Variants in GMDS observed in about 807,000 individuals in gnomAD.
The protein encoded by GMDS is GDP-mannose 4,6-dehydratase, also known as GDP-mannose 4,6 dehydratase.
In GMDS, 20 loss-of-function variants were observed where a neutral mutation model predicts 49.9. That is an observed-to-expected ratio of 0.40 (90% CI 0.28 to 0.58). The LOEUF is 0.58. Ranked by LOEUF, GMDS falls within the 20% of genes least tolerant of loss-of-function variation. The probability of loss-of-function intolerance (pLI) is 0.42; values close to 1 mark genes in which losing one functional copy is unlikely to be tolerated. For missense variants in GMDS, 362 were observed against 481.4 expected, an observed-to-expected ratio of 0.75 and a Z score of 2.32; for synonymous variants, 177 against 178.6, an observed-to-expected ratio of 0.99 and a Z score of 0.07.
chr6:1,657,776 C>T (rs1178193788), intron 9 of GMDS, among the ~76,000 whole-genome samples: 2 of 147,396 alleles, frequency 1.4e-5, no homozygotes, highest in African/African-American at 5.0e-5. Context: ...TTCTCTCTCC[C>T]TGGAGAGTTG....
At chr6:1,665,049 T>C (rs532338880) in intron 9 of GMDS, among the ~76,000 whole-genome samples, 56 of 152,354 alleles carry the variant, frequency 3.7e-4, no homozygotes, top group African/African-American at 1.2e-3. Context: ...GAAGTGGCAG[T>C]TGGCAGTTTA....
At chr6:1,840,906 G>A (rs1349730276) in intron 7 of GMDS, among the ~76,000 whole-genome samples, 1 of 152,194 alleles carries the variant, frequency 6.6e-6, no homozygotes, top group Non-Finnish European at 1.5e-5. Context: ...AGCCACTAAT[G>A]ACATTGTGAG....
At chr6:2,006,172 A>G (rs1409901446) in intron 4 of GMDS, among the ~76,000 whole-genome samples, 1 of 152,032 alleles carries the variant, frequency 6.6e-6, no homozygotes, top group Non-Finnish European at 1.5e-5. Flanking sequence ...CTGCAATCAC[A>G]GCACTTTAGG....
chr6:2,055,031 A>G (rs1246545094), intron 4 of GMDS, among the ~76,000 whole-genome samples: 2 of 152,164 alleles, frequency 1.3e-5, no homozygotes, highest in Non-Finnish European at 2.9e-5. Flanking sequence ...TAAAAATTCT[A>G]AAACTAAACA....
intron 9 of GMDS, among the ~76,000 whole-genome samples, chr6:1,721,187 CG>C (rs1240426033): frequency 7.9e-5 from 12 of 151,268 alleles, no homozygotes; most frequent in African/African-American, 2.9e-4. Context: ...GAAAAGTTTG[CG>C]GGGGGTGGGG....
At chr6:1,784,028 T>C (rs1403792145) in intron 7 of GMDS, among the ~76,000 whole-genome samples, 2 of 152,182 alleles carry the variant, frequency 1.3e-5, no homozygotes, top group Non-Finnish European at 2.9e-5. Flanking sequence ...CTGAAGGCCT[T>C]AGTTAAGGCC....
At chr6:2,219,688 C>A (rs1054993677) in intron 1 of GMDS, among the ~76,000 whole-genome samples, 2 of 152,098 alleles carry the variant, frequency 1.3e-5, no homozygotes, top group African/African-American at 4.8e-5. Flanking sequence ...CCGACCACAC[C>A]AGTTAAAAGA....
At chr6:2,105,181 CAAAAAAAAAAAAA>C (rs530164439) in intron 4 of GMDS, among the ~76,000 whole-genome samples, 4 of 64,422 alleles carry the variant, frequency 6.2e-5, no homozygotes, top group Admixed American at 3.6e-4. Flanking sequence ...GACTCCGTCT[CAAAAAAAAAAAAA>C]AAAAAAAAAA....
At chr6:1,801,006 T>A (rs943095544) in intron 7 of GMDS, among the ~76,000 whole-genome samples, 1 of 152,170 alleles carries the variant, frequency 6.6e-6, no homozygotes, top group African/African-American at 2.4e-5. Context: ...ATGTGACAGA[T>A]CTCTGCAGCA....
chr6:1,896,766 G>A (rs771165032), intron 7 of GMDS, among the ~76,000 whole-genome samples: 1 of 152,020 alleles, frequency 6.6e-6, no homozygotes, highest in Non-Finnish European at 1.5e-5. Context: ...TCCCATCAAA[G>A]TGTGATTGAC....
intron 4 of GMDS, among the ~76,000 whole-genome samples, chr6:2,076,527 T>C (rs942199781): frequency 2.6e-5 from 4 of 152,168 alleles, no homozygotes; most frequent in Non-Finnish European, 4.4e-5. Flanking sequence ...AAGGCTACAG[T>C]AACCAAAACA....
At chr6:1,687,006 T>C (rs1236510178) in intron 9 of GMDS, among the ~76,000 whole-genome samples, 1 of 152,188 alleles carries the variant, frequency 6.6e-6, no homozygotes, top group East Asian at 1.9e-4. Flanking sequence ...CCAAATAATA[T>C]TTACTTAAAG....
chr6:1,898,220 C>T (rs1321517326), intron 7 of GMDS, among the ~76,000 whole-genome samples: 1 of 152,248 alleles, frequency 6.6e-6, no homozygotes, highest in Admixed American at 6.5e-5. Context: ...CAAATCCCAC[C>T]CCGGAAGAGA....
At chr6:1,961,723 TC>T (rs1176615034) in intron 4 of GMDS, among the ~76,000 whole-genome samples, 2 of 152,246 alleles carry the variant, frequency 1.3e-5, no homozygotes, top group Non-Finnish European at 2.9e-5. Flanking sequence ...ACTGGTTTAT[TC>T]GTAGGCTAAT....
intron 4 of GMDS, among the ~76,000 whole-genome samples, chr6:2,010,804 T>A (rs1420745420): frequency 6.6e-6 from 1 of 152,082 alleles, no homozygotes; most frequent in Admixed American, 6.5e-5. Flanking sequence ...ATTGCAGGGT[T>A]AAAAACATGG....
chr6:1,763,871 C>T (rs1001136549), intron 7 of GMDS, among the ~76,000 whole-genome samples: 13 of 152,158 alleles, frequency 8.5e-5, no homozygotes, highest in African/African-American at 3.1e-4. Context: ...CTCCCTGTCT[C>T]CACACTGGGG....
At chr6:1,967,158 T>G (rs1487882809) in intron 4 of GMDS, among the ~76,000 whole-genome samples, 1 of 152,184 alleles carries the variant, frequency 6.6e-6, no homozygotes, top group Non-Finnish European at 1.5e-5. Flanking sequence ...CATCCCGTCC[T>G]TGCCATTCTA....
intron 9 of GMDS, among the ~76,000 whole-genome samples, chr6:1,722,036 C>G (rs1342601063): frequency 6.7e-6 from 1 of 149,970 alleles, no homozygotes; most frequent in Non-Finnish European, 1.5e-5. Context: ...TCCAAAGATC[C>G]TGGACTCCAG....
chr6:2,229,405 C>CTA (rs1440268004), intron 1 of GMDS, among the ~76,000 whole-genome samples: 26 of 88,948 alleles, frequency 2.9e-4, no homozygotes, highest in African/African-American at 1.5e-3. Flanking sequence ...GACCCTGTTT[C>CTA]TACAAAAAAA....
Sources: gnomAD v4.1 joint callset for allele counts (sites outside exome capture counted in the v4.1 genomes callset) on GRCh38, gnomAD v4.1.1 for gene constraint, MANE v1.5 for transcripts, NCBI Gene and HGNC (gene_info 2026-07-23, HGNC 2026-07-21) for gene names.